The following SLC30A8 variants were observed in gnomAD, a reference collection of about 807,000 sequenced individuals.
The protein encoded by SLC30A8 is solute carrier family 30 member 8.
A neutral mutation model predicts 36.9 loss-of-function variants in SLC30A8; 27 were observed. The observed-to-expected ratio is 0.73, with a 90% CI of 0.54 to 1.01. The LOEUF is 1.01. Ranked by LOEUF, SLC30A8 falls within the 50% of genes least tolerant of loss-of-function variation. The probability of loss-of-function intolerance (pLI) is 0.00; values close to 1 mark genes in which losing one functional copy is unlikely to be tolerated. For synonymous variants in SLC30A8, 164 were observed against 172.4 expected (o/e 0.95, Z 0.38); for missense variants, 439 against 452.0 (o/e 0.97, Z 0.26).
intron 1 of SLC30A8, among the ~76,000 whole-genome samples, chr8:117,023,561 G>A (rs998153595): frequency 4.6e-5 from 7 of 152,096 alleles, no homozygotes; most frequent in African/African-American, 1.7e-4. Flanking sequence ...ATGAGTTCAT[G>A]TATTTTGTAG....
chr8:117,076,902 G>T (rs1233981721), intron 2 of SLC30A8, among the ~76,000 whole-genome samples: 2 of 152,060 alleles, frequency 1.3e-5, no homozygotes, highest in African/African-American at 2.4e-5. Flanking sequence ...CTTGATGTTT[G>T]CAAAATGTCT....
intron 1 of SLC30A8, among the ~76,000 whole-genome samples, chr8:116,979,512 C>G (rs180976212): frequency 3.9e-5 from 6 of 152,244 alleles, no homozygotes; most frequent in Admixed American, 1.3e-4. Context: ...GAGACTTTAA[C>G]GAATCTTTGG....
Position 117,119,257 on chromosome 8 carries a change from G to A in SLC30A8, c.-225-16023G>A, listed in dbSNP as rs1046126263. 9.2e-5 allele frequency among the ~76,000 whole-genome samples: 14 copies of A among 152,002 alleles called. 1 individual carries two copies. Among genetic ancestry groups the A allele is most frequent in the Admixed American group, 2.6e-4 (4 of 15,222 alleles). On this transcript the variant is annotated intron_variant, in intron 2 of 10. Transcript: ENST00000427715. The stretch of plus-strand genomic sequence containing the variant: ...AAAGCAACTCCCAGCTTTGGCTGTC[G>A]TCTTCAACACCTTTAGTTCATCTGT...
At chr8:117,128,555 T>C (rs1301299500) in intron 2 of SLC30A8, 1 of 147,716 alleles carries the variant, frequency 6.8e-6, no homozygotes, top group Non-Finnish European at 1.5e-5. Context: ...GTGTTATTAT[T>C]GCCTAGGGTA....
chr8:117,084,578 T>C (rs979718865), intron 2 of SLC30A8, among the ~76,000 whole-genome samples: 1 of 152,196 alleles, frequency 6.6e-6, no homozygotes, highest in East Asian at 1.9e-4. Context: ...CCATTTCTTC[T>C]GCTTAGGAAG....
intron 1 of SLC30A8, among the ~76,000 whole-genome samples, chr8:117,023,547 A>G (rs1489295631): frequency 2.6e-5 from 4 of 152,156 alleles, no homozygotes; most frequent in Non-Finnish European, 2.9e-5. Context: ...AGCCATGAAA[A>G]ATGATGAGTT....
At position 117,054,098 on chromosome 8, in the gene SLC30A8, C is replaced by CT. The variant is rs4060800; in HGVS notation, c.-226+14858dup. ...CATACACTAAATGTACTGCAAAAAT[C>CT]TTTTTTTTTTTTTTTTTTGAGACAG... On this transcript the variant is annotated intron_variant, in intron 2 of 10. Coordinates refer to the SLC30A8 transcript ENST00000427715. Among the ~76,000 whole-genome samples the CT allele has an allele frequency of 7.5e-3, 931 of 124,140 alleles. 16 individuals carry two copies. The highest frequency in any genetic ancestry group is 0.021 in the Admixed American group (250 of 11,946). 81.4% of individuals were successfully genotyped at this position (124,140 alleles called of 152,430 possible).
At chr8:116,976,448 T>C (rs1224661876) in intron 1 of SLC30A8, among the ~76,000 whole-genome samples, 1 of 152,100 alleles carries the variant, frequency 6.6e-6, no homozygotes, top group African/African-American at 2.4e-5. Flanking sequence ...TTGCAAGTAG[T>C]TGTATTCCCC....
intron 1 of SLC30A8, among the ~76,000 whole-genome samples, chr8:116,961,257 G>A (rs1305799684): frequency 6.6e-6 from 1 of 151,940 alleles, no homozygotes; most frequent in Non-Finnish European, 1.5e-5. Context: ...GTGAAACCCC[G>A]TCTCTACTAA....
rs1505524 is a variant in SLC30A8 at position 117,108,208 on chromosome 8, T to G, written c.-225-27072T>G. ...CTTCCTAACAATATTTTATGTTTAA[T>G]ACTTTCATTCAGTTAAATGGGAGTT... On this transcript the variant is annotated intron_variant, in intron 2 of 10. Coordinates refer to the SLC30A8 transcript ENST00000427715. Among the ~76,000 whole-genome samples the G allele has an allele frequency of 2.6e-3, 393 of 152,334 alleles. 2 individuals carry two copies. Among genetic ancestry groups the G allele is most frequent in the Non-Finnish European group, 4.5e-3 (309 of 68,024 alleles).
At chr8:117,116,508 C>T (rs1350086883) in intron 2 of SLC30A8, among the ~76,000 whole-genome samples, 1 of 152,000 alleles carries the variant, frequency 6.6e-6, no homozygotes, top group African/African-American at 2.4e-5. Context: ...AGTATCTTAG[C>T]TGTAAGTGTA....
intron 1 of SLC30A8, among the ~76,000 whole-genome samples, chr8:116,958,687 G>A (rs1239480278): frequency 6.6e-6 from 1 of 151,838 alleles, no homozygotes; most frequent in Non-Finnish European, 1.5e-5. Context: ...GTGAATTTTT[G>A]AGGGTCTCAA....
rs761420117 is a variant in SLC30A8, at chr8:117,172,558, G to T, written c.987G>T (p.Val329=). 2 of 1,613,650 alleles carry T rather than the reference G, an allele frequency of 1.2e-6. No homozygotes were observed. The highest frequency in any genetic ancestry group is 1.7e-6 in the Non-Finnish European group (2 of 1,179,692). ...VATAASRDSQ[V]VRREIAKALS... is the part of the protein sequence containing the mutation. ...CAGCAGCCAGCCGGGACAGCCAAGT[G>T]GTTCGGAGAGAAATTGCTAAAGCCC... is the stretch of plus-strand genomic sequence containing the variant. The change falls in exon 8 of 8, where the codon GTG becomes GTT. Residue 329 remains valine, a synonymous_variant. Transcript: ENST00000456015.
At chr8:117,119,439 GTAA>G in intron 2 of SLC30A8, among the ~76,000 whole-genome samples, 1 of 152,008 alleles carries the variant, frequency 6.6e-6, no homozygotes, top group East Asian at 1.9e-4. Context: ...GGCTGCTGAA[GTAA>G]CCTCCCTATT....
At chr8:116,982,137 T>C (rs983480593) in intron 1 of SLC30A8, among the ~76,000 whole-genome samples, 3 of 152,210 alleles carry the variant, frequency 2.0e-5, no homozygotes, top group Non-Finnish European at 2.9e-5. Flanking sequence ...GGTATCTCAT[T>C]GTGGTTTTGA....
chr8:117,055,598 A>G (rs1207194343), intron 2 of SLC30A8, among the ~76,000 whole-genome samples: 2 of 152,168 alleles, frequency 1.3e-5, no homozygotes, highest in African/African-American at 2.4e-5. Flanking sequence ...TTCTTTTTCT[A>G]TATTCTGTGT....
intron 1 of SLC30A8, among the ~76,000 whole-genome samples, chr8:117,002,977 TA>T (rs1367040300): frequency 3.9e-5 from 6 of 152,304 alleles, no homozygotes; most frequent in African/African-American, 1.4e-4. Context: ...ATGCCCAGAT[TA>T]ACCAACTTGG....
At chr8:117,062,507 G>A (rs983075917) in intron 2 of SLC30A8, among the ~76,000 whole-genome samples, 2 of 152,152 alleles carry the variant, frequency 1.3e-5, no homozygotes, top group Non-Finnish European at 2.9e-5. Context: ...TCATCACCAA[G>A]GCAAGGGCGC....
At chr8:117,161,991 C>CATT in intron 5 of SLC30A8, 103 bp downstream of exon 5, 1 of 1,008,016 alleles carries the variant, frequency 9.9e-7, no homozygotes. Flanking sequence ...CCTCTGTTTA[C>CATT]CTATACAAAC....
Sources: gnomAD v4.1 joint callset for allele counts (sites outside exome capture counted in the v4.1 genomes callset) on GRCh38, gnomAD v4.1.1 for gene constraint, MANE v1.5 for transcripts, NCBI Gene and HGNC (gene_info 2026-07-23, HGNC 2026-07-21) for gene names.